MYH8: variants seen among roughly 807,000 people sequenced by gnomAD.
The protein encoded by MYH8 is myosin heavy chain 8.
In MYH8, 168 loss-of-function variants were observed where a neutral mutation model predicts 233.2. The observed-to-expected ratio is 0.72, with a 90% CI of 0.64 to 0.82. The LOEUF is 0.82. Among genes scored for constraint, MYH8 ranks in the 40% least tolerant of loss-of-function variants. The pLI is 0.00. For synonymous variants in MYH8, 785 were observed against 850.6 expected (o/e 0.92, Z 1.34); for missense variants, 1,995 against 2,327.8 (o/e 0.86, Z 2.94).
Position 10,399,616 on chromosome 17 carries a change from C to G in MYH8, c.3789G>C (p.Lys1263Asn), listed in dbSNP as rs146793402. 3.1e-6 allele frequency: 5 copies of G among 1,613,984 alleles called. No individual in the cohort carries two copies. In the African/African-American group the frequency reaches 6.7e-5, roughly 22 times the overall value. Reference sequence around the variant, plus strand: ...GCCGCTGCTGCTCCTCTTCCTTGGTCTTAAGCTCACTCACTTGATCTTCTA... The same window carrying G: ...GCCGCTGCTGCTCCTCTTCCTTGGTGTTAAGCTCACTCACTTGATCTTCTA... ...RSLEDQVSELKTKEEEQQRLI... is the reference protein window; with the variant it reads ...RSLEDQVSELNTKEEEQQRLI... The change falls in exon 28 of 40, where the codon AAG (lysine) becomes AAC (asparagine). Residue 1263 changes from lysine (K) to asparagine (N), a missense_variant. Physicochemically the swap from Lys to Asn is moderately conservative, Grantham distance 94. Coordinates refer to ENST00000403437, the MANE Select transcript of MYH8 (RefSeq NM_002472.3).
In MYH8 at chr17:10,391,918, C is replaced by T. The variant is rs141000799; in HGVS notation, c.5628G>A (p.Ala1876=). 5.1e-5 allele frequency: 83 copies of T among 1,614,108 alleles called. 1 individual carries two copies. The African/African-American group carries it at 6.0e-4, about 12-fold the overall frequency. Residue 1876 remains alanine, a synonymous_variant, in exon 39 of 40, where the codon GCG becomes GCA. Transcript: ENST00000403437. ...RLQDLVDKLQ[A]KVKSYKRQAE... ...CTTGTCTCTTGTATGATTTCACCTTCGCCTGTAATTTATCTACCAAGTCCT... is the reference window on the plus strand; with the variant it reads ...CTTGTCTCTTGTATGATTTCACCTTTGCCTGTAATTTATCTACCAAGTCCT...
intron 30 of MYH8, among the ~76,000 whole-genome samples, chr17:10,398,215 A>G (rs1347953812): frequency 2.0e-5 from 3 of 152,210 alleles, no homozygotes; most frequent in Non-Finnish European, 4.4e-5. Flanking sequence ...TTGGTTAACA[A>G]CTTACAGCCT....
At chr17:10,398,994 G>GTGTATATATATATA (rs1555555758) in intron 28 of MYH8, 108 bp from the exon 29 acceptor site, 202 of 312,708 alleles carry the variant, frequency 6.5e-4, no homozygotes, top group African/African-American at 4.6e-3. Flanking sequence ...ATGTGTGTGT[G>GTGTATATATATATA]TATATATATA....
rs1253867080 is a variant in MYH8 at position 10,396,764 on chromosome 17, C to T, written c.4362+39G>A. On this transcript the variant is annotated intron_variant, in intron 31 of 39. Coordinates refer to ENST00000403437, the MANE Select transcript of MYH8 (RefSeq NM_002472.3). This position sits in a 1 kb window ranked among gnomAD's most constrained non-coding sequence, Gnocchi z 4.2. ...AGTTGATCCAAGGAGAAAGGAAGAC[C>T]GAGTAAAACACTCTTAAAGTTTAAG... The T allele has an allele frequency of 2.5e-6, 4 of 1,614,004 alleles. No homozygotes were observed. Among genetic ancestry groups the T allele is most frequent in the East Asian group, 2.2e-5 (1 of 44,888 alleles).
At chr17:10,393,297 G>A in intron 35 of MYH8, 87 bp from the exon 36 acceptor site, 5 of 1,496,360 alleles carry the variant, frequency 3.3e-6, no homozygotes, top group Non-Finnish European at 4.6e-6. Flanking sequence ...GTTCGTGCAG[G>A]GGATCTGCTG....
intron 15 of MYH8, among the ~76,000 whole-genome samples, chr17:10,410,022 G>A (rs1184555569): frequency 2.6e-5 from 4 of 152,078 alleles, no homozygotes; most frequent in Admixed American, 2.6e-4. Context: ...ATAGATTATA[G>A]GCTGAGCACA....
intron 29 of MYH8, 50 bp downstream of exon 29, chr17:10,398,718 C>A (rs1597398512): frequency 6.2e-7 from 1 of 1,612,916 alleles, no homozygotes; most frequent in Non-Finnish European, 8.5e-7. Flanking sequence ...TAGAGCCTAA[C>A]TGGGCAGGTT....
rs777721195 is a variant in MYH8, at chr17:10,412,729, C to G, written c.1148-1G>C. On this transcript the variant is annotated splice_acceptor_variant, in intron 12 of 39. Coordinates refer to ENST00000403437, the MANE Select transcript of MYH8 (RefSeq NM_002472.3). LOFTEE classifies it high-confidence loss of function. ...TGGAGATAGGCTGCCTTGTCAGCGA[C>G]TGCAGAGACACAGTTCAGGACATGT... 2.5e-6 allele frequency: 4 copies of G among 1,608,366 alleles called. No homozygotes were observed. The South Asian group carries it at 4.4e-5, about 18-fold the overall frequency.
At chr17:10,420,375 T>C in intron 2 of MYH8, 118 bp from the exon 3 acceptor site, 1 of 909,712 alleles carries the variant, frequency 1.1e-6, no homozygotes, top group Admixed American at 2.0e-5. Context: ...TCCTCCAAAC[T>C]GGCACTCCCC....
intron 30 of MYH8, among the ~76,000 whole-genome samples, chr17:10,397,920 C>T (rs1190627181): frequency 6.6e-6 from 1 of 152,128 alleles, no homozygotes; most frequent in Non-Finnish European, 1.5e-5. Flanking sequence ...TCTACATTCT[C>T]AGTTCATTTT....
In MYH8 at chr17:10,396,416, C is replaced by G; in HGVS notation, c.4567G>C (p.Gly1523Arg). 1 of 1,614,014 alleles carries G rather than the reference C, an allele frequency of 6.2e-7. No homozygotes were observed. The highest frequency in any genetic ancestry group is 8.5e-7 in the Non-Finnish European group (1 of 1,179,994). ...SDLTEQIAEG[G>R]KQIHELEKIK... The stretch of plus-strand genomic sequence containing the variant: ...TTCTCCAATTCATGAATTTGCTTTC[C>G]TCCCTCTGCAATCTGCTCAGTGAGG... Residue 1523 changes from glycine (G) to arginine (R), a missense_variant, in exon 33 of 40, where the codon GGA becomes CGA. Transcript: ENST00000403437. This position sits in a 1 kb window ranked among gnomAD's most constrained non-coding sequence, Gnocchi z 4.2.
chr17:10,397,295 T>C lies in MYH8; in HGVS notation c.4179-309A>G, dbSNP rs58860345. On this transcript the variant is annotated intron_variant, in intron 30 of 39. Transcript: ENST00000403437. Reference sequence around the variant, plus strand: ...TAAATAGAGACAGGGTTTCACCATATGTTGGCCAAGCTGGTCTTGAACTCC... The same window carrying C: ...TAAATAGAGACAGGGTTTCACCATACGTTGGCCAAGCTGGTCTTGAACTCC... Among the ~76,000 whole-genome samples the C allele has an allele frequency of 0.11, 16,332 of 152,146 alleles. 1,435 individuals carry two copies. The highest frequency in any genetic ancestry group is 0.24 in the African/African-American group (9,960 of 41,454).
intron 15 of MYH8, among the ~76,000 whole-genome samples, chr17:10,410,179 C>T (rs2072231962): frequency 6.6e-6 from 1 of 152,102 alleles, no homozygotes; most frequent in Non-Finnish European, 1.5e-5. Context: ...TGGCACATGC[C>T]TGTGGTCCCA....
chr17:10,404,328 A>G lies in MYH8; in HGVS notation c.2688+2T>C. On this transcript the variant is annotated splice_donor_variant, in intron 22 of 39. Coordinates refer to ENST00000403437, the MANE Select transcript of MYH8 (RefSeq NM_002472.3). LOFTEE classifies it high-confidence loss of function. ...GGTGCATTCAGAATATGGAGTACTC[A>G]CAGATTGAACCTGGAGTTGCAGGTC... 6.2e-7 allele frequency: 1 copy of G among 1,614,012 alleles called. No individual in the cohort carries two copies. The highest frequency in any genetic ancestry group is 8.5e-7 in the Non-Finnish European group (1 of 1,179,864).
At chr17:10,409,680 C>A in intron 15 of MYH8, 92 bp from the exon 16 acceptor site, 1 of 1,504,190 alleles carries the variant, frequency 6.6e-7, no homozygotes, top group East Asian at 2.3e-5. Flanking sequence ...ATGAGCACCC[C>A]AATTAAATAT....
Position 10,415,844 on chromosome 17 carries a change from C to A in MYH8, c.512-136G>T. 1.0e-6 allele frequency: 1 copy of A among 963,794 alleles called. No individual in the cohort carries two copies. 59.7% of individuals were successfully genotyped at this position (963,794 alleles called of 1,614,324 possible). On this transcript the variant is annotated intron_variant, in intron 5 of 39. Coordinates refer to ENST00000403437, the MANE Select transcript of MYH8 (RefSeq NM_002472.3). This position sits in a 1 kb window ranked among gnomAD's most constrained non-coding sequence, Gnocchi z 4.1. The stretch of plus-strand genomic sequence containing the variant: ...CCTTTGGTTTTGATTTTGTGTTTAT[C>A]CTCCAAAATAGCCAATTGCTTCTCA...
rs752815436 is a variant in MYH8 at position 10,400,981 on chromosome 17, G to A, written c.3255-22C>T. 6.2e-6 allele frequency: 10 copies of A among 1,612,936 alleles called. No homozygotes were observed. Among genetic ancestry groups the A allele is most frequent in the African/African-American group, 4.0e-5 (3 of 74,884 alleles). Reference sequence around the variant, plus strand: ...TTTCCTTTAGACAGAAGAGCAAGACGTATTAATACTCATGTGAATTGAAAG... The same window carrying A: ...TTTCCTTTAGACAGAAGAGCAAGACATATTAATACTCATGTGAATTGAAAG... On this transcript the variant is annotated intron_variant, in intron 25 of 39. Transcript: ENST00000403437. The surrounding 1 kb of genome is among the most constrained non-coding windows in gnomAD (Gnocchi z 4.0).
intron 11 of MYH8, 39 bp downstream of exon 11, chr17:10,414,153 A>C: frequency 6.2e-7 from 1 of 1,609,198 alleles, no homozygotes; most frequent in Non-Finnish European, 8.5e-7. Context: ...TGTCATTTCC[A>C]TACATAATGG....
chr17:10,413,338 C>T (rs1033641553), intron 12 of MYH8, among the ~76,000 whole-genome samples: 7 of 152,282 alleles, frequency 4.6e-5, no homozygotes, highest in East Asian at 1.9e-4. Flanking sequence ...CTTTAAGGAG[C>T]GATAACTGTC....
Sources: gnomAD v4.1 joint callset for allele counts (sites outside exome capture counted in the v4.1 genomes callset) on GRCh38, gnomAD v4.1.1 for gene constraint, Gnocchi (gnomAD v3.1) non-coding constraint, MANE v1.5 for transcripts, NCBI Gene and HGNC (gene_info 2026-07-23, HGNC 2026-07-21) for gene names.